Variants in ING5 observed in about 807,000 individuals in gnomAD.
The protein encoded by ING5 is inhibitor of growth family member 5.
In ING5, 17 loss-of-function variants were observed where a neutral mutation model predicts 37.4. The ratio of observed to expected loss-of-function variants is 0.45; its 90% CI spans 0.31 to 0.68. The LOEUF is 0.68. Among genes scored for constraint, ING5 ranks in the 30% least tolerant of loss-of-function variants. ING5 has a pLI of 0.05. For missense variants in ING5, 233 were observed against 311.9 expected, an observed-to-expected ratio of 0.75 and a Z score of 1.91; for synonymous variants, 123 against 116.6, an observed-to-expected ratio of 1.06 and a Z score of -0.36.
upstream of ING5, among the ~76,000 whole-genome samples, chr2:241,697,067 GAGAC>G (rs1158896088): frequency 3.3e-5 from 5 of 151,862 alleles, no homozygotes; most frequent in Non-Finnish European, 7.4e-5. Context: ...GGGTGACAGA[GAGAC>G]AGACTCCGTT....
In ING5 at chr2:241,711,658, T is replaced by C. The variant is rs2070115018; in HGVS notation, c.388+170T>C. The C allele has an allele frequency of 5.0e-6, 3 of 604,880 alleles. No individual in the cohort carries two copies. In the South Asian group the frequency reaches 6.7e-5, roughly 13 times the overall value. The allele number at this position is 604,880 out of a possible 1,614,324, so 37.5% of individuals were successfully genotyped here. Reference sequence around the variant, plus strand: ...GCTTACGCCTGTAACCCCAGCACTTTGGGAGGCTGAGGCAGGAGGATCACT... The same window carrying C: ...GCTTACGCCTGTAACCCCAGCACTTCGGGAGGCTGAGGCAGGAGGATCACT... On this transcript the variant is annotated intron_variant, in intron 4 of 7. Transcript: ENST00000313552.
intron 2 of ING5, among the ~76,000 whole-genome samples, chr2:241,692,645 C>T (rs1433167480): frequency 6.6e-6 from 1 of 152,030 alleles, no homozygotes; most frequent in Non-Finnish European, 1.5e-5. Context: ...GTACTGATGC[C>T]AGCTGCTCTG....
rs2069746766 is a variant in ING5 at position 241,702,104 on chromosome 2, T to G, written c.37+2T>G. On this transcript the variant is annotated splice_donor_variant, in intron 1 of 7. Transcript: ENST00000313552. LOFTEE classifies it high-confidence loss of function. ...TGTACTTGGAGCACTATCTGGACAG[T>G]AAGCGCGCCCCACGGGCCCCGCGCC... 3 of 1,329,296 alleles carry G rather than the reference T, an allele frequency of 2.3e-6. No individual in the cohort carries two copies. The highest frequency in any genetic ancestry group is 6.1e-5 in the Admixed American group (2 of 32,716). 82.3% of individuals were successfully genotyped at this position (1,329,296 alleles called of 1,614,324 possible). A position where few individuals can be genotyped will look rare whatever the true frequency, so the allele number is the denominator to read the frequency against.
upstream of ING5, among the ~76,000 whole-genome samples, chr2:241,699,742 G>A (rs1575117607): frequency 2.0e-5 from 3 of 152,158 alleles, no homozygotes; most frequent in South Asian, 6.2e-4. Context: ...CAGTTCTTGG[G>A]GCTCGGGGAG....
chr2:241,717,026 A>G (rs1364337817), intron 5 of ING5, among the ~76,000 whole-genome samples: 3 of 152,064 alleles, frequency 2.0e-5, no homozygotes, highest in Non-Finnish European at 4.4e-5. Context: ...TCACCACAAA[A>G]GTCACCCCAT....
rs1299164253 is a variant in ING5 at position 241,729,294 on chromosome 2, T to TG, written c.*4264dup. ...AACCACGTTTCATCCAAAACGATGA[T>TG]GCAGCTTTAACATGAATGTTACATT... On this transcript the variant is annotated 3_prime_UTR_variant, in exon 8 of 8. Transcript: ENST00000313552. 1.3e-5 allele frequency: 2 copies of TG among 152,678 alleles called. No homozygotes were observed. The highest frequency in any genetic ancestry group is 6.5e-5 in the Admixed American group (1 of 15,282). 9.5% of individuals were successfully genotyped at this position (152,678 alleles called of 1,614,324 possible). A position where few individuals can be genotyped will look rare whatever the true frequency, so the allele number is the denominator to read the frequency against.
Position 241,702,092 on chromosome 2 carries a change from C to A in ING5, c.27C>A (p.His9Gln). The change falls in exon 1 of 8, where the codon CAC (histidine) becomes CAA (glutamine). Residue 9 changes from histidine to glutamine, a missense_variant. His to Gln is a conservative substitution (Grantham distance 24). This residue lies in a region of ING5 where 93 missense variants were observed against 99.7 expected (regional missense o/e 0.93). Coordinates refer to ENST00000313552, the MANE Select transcript of ING5 (RefSeq NM_032329.6). ...TGGCGACCGCCATGTACTTGGAGCA[C>A]TATCTGGACAGTAAGCGCGCCCCAC... MATAMYLEHYLDSIENLPC... is the reference protein window; with the variant it reads MATAMYLEQYLDSIENLPC... The A allele has an allele frequency of 7.3e-7, 1 of 1,368,236 alleles. No homozygotes were observed. Among genetic ancestry groups the A allele is most frequent in the South Asian group, 1.6e-5 (1 of 63,058 alleles). The allele number at this position is 1,368,236 out of a possible 1,614,324, so 84.8% of individuals were successfully genotyped here. A position where few individuals can be genotyped will look rare whatever the true frequency, so the allele number is the denominator to read the frequency against.
intron 6 of ING5, 42 bp from the exon 7 acceptor site, chr2:241,723,168 A>G: frequency 6.2e-7 from 1 of 1,613,770 alleles, no homozygotes; most frequent in African/African-American, 1.3e-5. Flanking sequence ...TGCATACAGA[A>G]CATGAGGCGT....
At chr2:241,713,367 GTT>G (rs1166786436) in intron 5 of ING5, among the ~76,000 whole-genome samples, 6 of 102,300 alleles carry the variant, frequency 5.9e-5, no homozygotes, top group Non-Finnish European at 7.7e-5. Flanking sequence ...CCAATTTTCA[GTT>G]TTTTTTTTTT....
chr2:241,716,554 CAAA>C (rs2070277893), intron 5 of ING5, among the ~76,000 whole-genome samples: 4 of 152,052 alleles, frequency 2.6e-5, no homozygotes, highest in South Asian at 4.1e-4. Context: ...CTCGGCCTCC[CAAA>C]GTGCTAGGAT....
chr2:241,720,922 C>T, intron 5 of ING5: 2 of 985,644 alleles, frequency 2.0e-6, no homozygotes, highest in Non-Finnish European at 2.4e-6. Flanking sequence ...GCACGGTGGC[C>T]TCAGCTTCTG....
chr2:241,720,661 G>A (rs1273190742), intron 5 of ING5: 3 of 985,524 alleles, frequency 3.0e-6, no homozygotes, highest in African/African-American at 1.7e-5. Flanking sequence ...GGGGCCGGGC[G>A]CGGAAGGGCT....
At chr2:241,693,385 T>TTCGAGTTG (rs2069585938) in intron 2 of ING5, among the ~76,000 whole-genome samples, 2 of 151,984 alleles carry the variant, frequency 1.3e-5, no homozygotes, top group African/African-American at 4.8e-5. Context: ...TCCCAGGAGC[T>TTCGAGTTG]TCGAGTTGTG....
intron 2 of ING5, among the ~76,000 whole-genome samples, chr2:241,693,117 G>T (rs189975053): frequency 1.1e-4 from 16 of 152,052 alleles, no homozygotes; most frequent in African/African-American, 3.9e-4. Context: ...AAATTAGCTG[G>T]GTGTGGTGAC....
chr2:241,701,181 C>G (rs1462744279), upstream of ING5, among the ~76,000 whole-genome samples: 1 of 149,356 alleles, frequency 6.7e-6, no homozygotes, highest in Non-Finnish European at 1.5e-5. Flanking sequence ...CCAGGCTGGT[C>G]TCAAATTCCT....
intron 5 of ING5, chr2:241,722,096 T>G: frequency 1.0e-6 from 1 of 985,104 alleles, no homozygotes; most frequent in Non-Finnish European, 1.2e-6. Context: ...GGTGCCTGAG[T>G]AGGTGCGTGG....
upstream of ING5, among the ~76,000 whole-genome samples, chr2:241,701,259 G>T (rs930196938): frequency 6.6e-6 from 1 of 152,168 alleles, no homozygotes; most frequent in East Asian, 1.9e-4. Context: ...CCAGCGCGCC[G>T]GCCTTCTCCA....
rs138931388 is a variant in ING5 at position 241,688,859 on chromosome 2, C to T, written c.-774+797C>T. On this transcript the variant is annotated intron_variant, in intron 1 of 7. Coordinates refer to the ING5 transcript ENST00000636051. ...TGTTGCCCAGGCTGGAGTGCAGTGG[C>T]GCAATCTTGGCTCACTGCAAGCTCC... Among the ~76,000 whole-genome samples, 165 of 152,054 alleles carry T rather than the reference C, an allele frequency of 1.1e-3. 2 individuals are homozygous for T. Among genetic ancestry groups the T allele is most frequent in the African/African-American group, 3.4e-3 (141 of 41,492 alleles).
intron 5 of ING5, among the ~76,000 whole-genome samples, chr2:241,713,013 T>TA (rs1351679644): frequency 2.9e-5 from 4 of 136,828 alleles, no homozygotes; most frequent in Non-Finnish European, 6.4e-5. Context: ...AAAAAAAAAA[T>TA]AAAGAGAAAA....
Sources: gnomAD v4.1 joint callset for allele counts (sites outside exome capture counted in the v4.1 genomes callset) on GRCh38, gnomAD v4.1.1 for gene constraint, gnomAD v4.1.1 regional missense constraint, MANE v1.5 for transcripts, NCBI Gene and HGNC (gene_info 2026-07-23, HGNC 2026-07-21) for gene names.